The following PTK2 variants were observed in gnomAD, a reference collection of about 807,000 sequenced individuals.
PTK2 encodes focal adhesion kinase 1.
PTK2 carries 45 observed loss-of-function variants against 150.1 expected under a neutral mutation model. The observed-to-expected ratio is 0.30, with a 90% CI of 0.24 to 0.38. PTK2 has a LOEUF of 0.38. Ranked by LOEUF, PTK2 falls within the 10% of genes least tolerant of loss-of-function variation. The pLI, the probability that PTK2 is intolerant of heterozygous loss-of-function variation, is 1.00. For missense variants in PTK2, 919 were observed against 1,307.3 expected (o/e 0.70, Z 4.58); for synonymous variants, 432 against 449.2 (o/e 0.96, Z 0.48).
At chr8:140,872,993 GTTCA>G (rs1401002324) in intron 4 of PTK2, among the ~76,000 whole-genome samples, 1 of 152,180 alleles carries the variant, frequency 6.6e-6, no homozygotes, top group Non-Finnish European at 1.5e-5. Context: ...TGTACCTGTA[GTTCA>G]TTCATTTCAA....
intron 7 of PTK2, among the ~76,000 whole-genome samples, chr8:140,839,229 C>T (rs956540655): frequency 2.0e-5 from 3 of 152,054 alleles, no homozygotes; most frequent in African/African-American, 7.2e-5. Context: ...ATGATGAACC[C>T]GGCGCTTGGG....
chr8:140,867,912 G>A (rs943884665), intron 4 of PTK2, among the ~76,000 whole-genome samples: 2 of 152,132 alleles, frequency 1.3e-5, no homozygotes. Flanking sequence ...CACGAAACTC[G>A]TCAGTTTCTT....
At chr8:140,949,488 C>A (rs2100178791) in intron 1 of PTK2, among the ~76,000 whole-genome samples, 1 of 152,232 alleles carries the variant, frequency 6.6e-6, no homozygotes, top group African/African-American at 2.4e-5. Flanking sequence ...GGAAGCCCCC[C>A]CGCCCTCACA....
chr8:140,901,893 T>A (rs2100158632), intron 2 of PTK2, among the ~76,000 whole-genome samples: 2 of 152,040 alleles, frequency 1.3e-5, no homozygotes, highest in African/African-American at 4.8e-5. Context: ...CACTTATGAG[T>A]GAGAACATGC....
At chr8:140,982,766 G>A (rs938880856) in intron 1 of PTK2, among the ~76,000 whole-genome samples, 14 of 152,122 alleles carry the variant, frequency 9.2e-5, no homozygotes, top group Non-Finnish European at 1.8e-4. Context: ...GTTAGCGTAC[G>A]TTTTCAGAAG....
intron 1 of PTK2, among the ~76,000 whole-genome samples, chr8:140,979,918 C>A (rs969882371): frequency 2.0e-5 from 3 of 152,142 alleles, no homozygotes; most frequent in African/African-American, 7.2e-5. Flanking sequence ...TTCTAAATTA[C>A]CCAGTCTCGG....
At chr8:140,773,843 G>A (rs1382562018) in intron 14 of PTK2, among the ~76,000 whole-genome samples, 7 of 152,092 alleles carry the variant, frequency 4.6e-5, no homozygotes, top group African/African-American at 1.4e-4. Flanking sequence ...AATGGGTAAG[G>A]CCACTAGTCA....
chr8:140,884,529 G>C (rs1464240227), intron 3 of PTK2, among the ~76,000 whole-genome samples: 1 of 152,138 alleles, frequency 6.6e-6, no homozygotes, highest in African/African-American at 2.4e-5. Context: ...CTCTGTCAGA[G>C]AGAACAGCTT....
At chr8:140,675,608 G>T in intron 27 of PTK2, 109 bp from the exon 31 acceptor site, 1 of 825,852 alleles carries the variant, frequency 1.2e-6, no homozygotes, top group Non-Finnish European at 2.0e-6. Context: ...CTAGATTCTA[G>T]TGTATCAAAA....
chr8:140,671,949 G>C (rs2153224620), intron 29 of PTK2, among the ~76,000 whole-genome samples: 1 of 88,806 alleles, frequency 1.1e-5, no homozygotes, highest in Non-Finnish European at 2.1e-5. Context: ...CGGGGGGCGG[G>C]AATCTTTACT....
intron 2 of PTK2, among the ~76,000 whole-genome samples, chr8:140,924,603 A>G (rs1025228863): frequency 6.6e-6 from 1 of 152,168 alleles, no homozygotes; most frequent in East Asian, 1.9e-4. Context: ...GACGTCAGTG[A>G]CAGTATGGCT....
At chr8:140,690,373 C>T (rs1012975139) in intron 26 of PTK2, among the ~76,000 whole-genome samples, 1 of 151,626 alleles carries the variant, frequency 6.6e-6, no homozygotes, top group African/African-American at 2.4e-5. Context: ...AGCAATCATC[C>T]GCCTCAGTTT....
chr8:140,864,732 A>C (rs888847373), intron 4 of PTK2, among the ~76,000 whole-genome samples: 21 of 152,120 alleles, frequency 1.4e-4, no homozygotes, highest in African/African-American at 4.6e-4. Context: ...CCACGTCTAA[A>C]TTTTTATCAG....
intron 1 of PTK2, among the ~76,000 whole-genome samples, chr8:140,962,570 G>A (rs55646309): frequency 1.3e-5 from 2 of 152,052 alleles, no homozygotes; most frequent in Non-Finnish European, 2.9e-5. Flanking sequence ...AGGCCGAGGC[G>A]TGTAGATCAT....
intron 26 of PTK2, among the ~76,000 whole-genome samples, chr8:140,699,401 G>A (rs1292743829): frequency 1.3e-5 from 2 of 152,158 alleles, no homozygotes; most frequent in Non-Finnish European, 2.9e-5. Context: ...TGGCAACAGG[G>A]ACCAGGAGTC....
chr8:140,688,532 T>C (rs2100021304), intron 26 of PTK2, among the ~76,000 whole-genome samples: 1 of 151,712 alleles, frequency 6.6e-6, no homozygotes, highest in Non-Finnish European at 1.5e-5. Flanking sequence ...CTGGGCAACA[T>C]AGTGAGAACT....
At chr8:140,922,013 G>C (rs572029528) in intron 2 of PTK2, among the ~76,000 whole-genome samples, 3 of 143,692 alleles carry the variant, frequency 2.1e-5, no homozygotes, top group African/African-American at 4.8e-5. Context: ...CTAAATGTGG[G>C]TAATTTTGTT....
chr8:140,909,347 C>A (rs56386028), intron 2 of PTK2, among the ~76,000 whole-genome samples: 3 of 152,106 alleles, frequency 2.0e-5, no homozygotes, highest in Admixed American at 1.3e-4. Context: ...TGAGCCATTA[C>A]GTACTTTCCA....
chr8:140,871,056 A>G (rs2100142205), intron 4 of PTK2, among the ~76,000 whole-genome samples: 1 of 152,222 alleles, frequency 6.6e-6, no homozygotes, highest in Non-Finnish European at 1.5e-5. Flanking sequence ...TTATTTGGCC[A>G]AAATGTTAAT....
Sources: gnomAD v4.1 joint callset for allele counts (sites outside exome capture counted in the v4.1 genomes callset) on GRCh38, gnomAD v4.1.1 for gene constraint, MANE v1.5 for transcripts, NCBI Gene and HGNC (gene_info 2026-07-23, HGNC 2026-07-21) for gene names.